CLMN: variants seen among roughly 807,000 people sequenced by gnomAD.
CLMN encodes the protein calmin.
CLMN carries 57 observed loss-of-function variants against 92.7 expected under a neutral mutation model. The observed-to-expected ratio is 0.61, with a 90% CI of 0.50 to 0.77. CLMN has a LOEUF of 0.77. CLMN is among the 30% of genes least tolerant of loss of function. The pLI is 0.00. For synonymous variants in CLMN, 466 were observed against 470.6 expected (o/e 0.99, Z 0.13); for missense variants, 1,158 against 1,237.5 (o/e 0.94, Z 0.96).
chr14:95,268,602 T>C (rs371736765), intron 1 of CLMN, among the ~76,000 whole-genome samples: 9 of 152,078 alleles, frequency 5.9e-5, no homozygotes, highest in Admixed American at 1.3e-4. Context: ...CAAATCTACA[T>C]AGGTGCTAAG....
chr14:95,313,278 C>T (rs1274539356), intron 1 of CLMN, among the ~76,000 whole-genome samples: 1 of 152,222 alleles, frequency 6.6e-6, no homozygotes, highest in Non-Finnish European at 1.5e-5. Context: ...ATTTTACTAA[C>T]ACTTTTCTCC....
chr14:95,214,779 A>T (rs1264678413), intron 5 of CLMN, among the ~76,000 whole-genome samples: 1 of 152,192 alleles, frequency 6.6e-6, no homozygotes, highest in South Asian at 2.1e-4. Context: ...CAGAACAGGA[A>T]CTATTGTCTC....
intron 1 of CLMN, among the ~76,000 whole-genome samples, chr14:95,263,308 C>T (rs1393573097): frequency 6.6e-6 from 1 of 152,166 alleles, no homozygotes. Context: ...AACTCTCTCA[C>T]TATCAGGAGA....
chr14:95,231,289 C>T (rs1323331053), intron 1 of CLMN, among the ~76,000 whole-genome samples: 8 of 151,638 alleles, frequency 5.3e-5, no homozygotes, highest in African/African-American at 1.7e-4. Context: ...CTCCGCCTCC[C>T]GGGTTCATGC....
At chr14:95,306,236 G>T (rs1354370565) in intron 1 of CLMN, among the ~76,000 whole-genome samples, 1 of 152,186 alleles carries the variant, frequency 6.6e-6, no homozygotes, top group Non-Finnish European at 1.5e-5. Flanking sequence ...AACTAGCCAG[G>T]CATGGTGGCT....
At chr14:95,218,806 A>G (rs542948101) in intron 4 of CLMN, among the ~76,000 whole-genome samples, 1 of 152,340 alleles carries the variant, frequency 6.6e-6, no homozygotes, top group East Asian at 1.9e-4. Flanking sequence ...TTGTTTGAAA[A>G]AATAGAGGGG....
At chr14:95,258,385 G>A (rs1595067227) in intron 1 of CLMN, among the ~76,000 whole-genome samples, 1 of 150,326 alleles carries the variant, frequency 6.7e-6, no homozygotes, top group Non-Finnish European at 1.5e-5. Flanking sequence ...ATATGTGTAT[G>A]TGTGGTGTGT....
Position 95,218,702 on chromosome 14 carries a change from C to T in CLMN, c.325-2969G>A, listed in dbSNP as rs545483507. Among the ~76,000 whole-genome samples the T allele has an allele frequency of 2.2e-3, 329 of 152,354 alleles. 3 individuals carry two copies. Among genetic ancestry groups the T allele is most frequent in the Middle Eastern group, 0.02 (6 of 294 alleles). ...GGCTCACTCCCCTGGGCTTGCCTTC[C>T]CACCGGGCCATTCACTTGTCCTACC... On this transcript the variant is annotated intron_variant, in intron 4 of 12. Transcript: ENST00000298912.
intron 1 of CLMN, among the ~76,000 whole-genome samples, chr14:95,303,601 G>A (rs993085347): frequency 1.3e-5 from 2 of 152,248 alleles, no homozygotes; most frequent in African/African-American, 4.8e-5. Context: ...GCCATTAGGT[G>A]TGACCAATGC....
chr14:95,229,464 C>T (rs1345734845), intron 2 of CLMN, among the ~76,000 whole-genome samples: 1 of 152,086 alleles, frequency 6.6e-6, no homozygotes, highest in Non-Finnish European at 1.5e-5. Context: ...AAGTTGAATA[C>T]AGAGGAGAAG....
At chr14:95,250,193 C>T (rs1898727421) in intron 1 of CLMN, among the ~76,000 whole-genome samples, 1 of 152,216 alleles carries the variant, frequency 6.6e-6, no homozygotes, top group Non-Finnish European at 1.5e-5. Context: ...TGTATATGAT[C>T]AAGAAATCCT....
At chr14:95,228,245 C>T (rs1897772618) in intron 2 of CLMN, among the ~76,000 whole-genome samples, 1 of 152,198 alleles carries the variant, frequency 6.6e-6, no homozygotes, top group South Asian at 2.1e-4. Context: ...TGACACACAT[C>T]AGGCATTAAT....
At chr14:95,280,812 G>A (rs1900117363) in intron 1 of CLMN, among the ~76,000 whole-genome samples, 1 of 152,164 alleles carries the variant, frequency 6.6e-6, no homozygotes, top group African/African-American at 2.4e-5. Flanking sequence ...CTATAATTTT[G>A]ATATGACTTA....
Position 95,210,629 on chromosome 14 carries a change from G to T in CLMN, c.802+57C>A, listed in dbSNP as rs1897169422. The T allele has an allele frequency of 4.5e-6, 7 of 1,541,418 alleles. No individual in the cohort carries two copies. The South Asian group carries it at 4.8e-5, about 11-fold the overall frequency. ...TTTTCCAGATTTTCCACATGGGACA[G>T]CAAGTGGTACATTTGTAAAAAAAAA... is the stretch of plus-strand genomic sequence containing the variant. On this transcript the variant is annotated intron_variant, in intron 7 of 12. Coordinates refer to ENST00000298912, the MANE Select transcript of CLMN (RefSeq NM_024734.4).
intron 1 of CLMN, among the ~76,000 whole-genome samples, chr14:95,312,922 A>T (rs1566927649): frequency 6.6e-6 from 1 of 152,016 alleles, no homozygotes; most frequent in Non-Finnish European, 1.5e-5. Context: ...ATACACATAC[A>T]CGGCCAGGTG....
In CLMN at chr14:95,204,068, G is replaced by A; in HGVS notation, c.1281C>T (p.His427=). 4 of 1,614,206 alleles carry A rather than the reference G, an allele frequency of 2.5e-6. No individual in the cohort carries two copies. Among genetic ancestry groups the A allele is most frequent in the Non-Finnish European group, 3.4e-6 (4 of 1,180,042 alleles). Residue 427 remains histidine, a synonymous_variant, in exon 9 of 13, where the codon CAC becomes CAT. Coordinates refer to ENST00000298912, the MANE Select transcript of CLMN (RefSeq NM_024734.4). The part of the protein sequence containing the change: ...SNSLPIKKTV[H]FEADTYKDPF... ...GATCCTTGTAGGTGTCAGCCTCAAA[G>A]TGAACTGTTTTCTTGATCGGCAAAG...
intron 5 of CLMN, among the ~76,000 whole-genome samples, chr14:95,215,418 GGATA>G (rs1222796497): frequency 6.6e-6 from 1 of 152,168 alleles, no homozygotes; most frequent in African/African-American, 2.4e-5. Flanking sequence ...AGACCCAAGA[GGATA>G]GATATTCTCT....
At chr14:95,247,805 T>C (rs548240744) in intron 1 of CLMN, among the ~76,000 whole-genome samples, 147 of 152,078 alleles carry the variant, frequency 9.7e-4, no homozygotes, top group Middle Eastern at 6.8e-3. Context: ...AAAGGGATGG[T>C]GTGCAGGCCA....
intron 1 of CLMN, among the ~76,000 whole-genome samples, chr14:95,286,734 T>TCATG (rs2140750561): frequency 6.6e-6 from 1 of 152,318 alleles, no homozygotes; most frequent in Admixed American, 6.5e-5. Context: ...ACCAAGAGTC[T>TCATG]GCAGGGAGGG....
Sources: allele counts gnomAD v4.1 joint callset (sites outside exome capture counted in the v4.1 genomes callset), GRCh38; gene constraint gnomAD v4.1.1; transcripts MANE v1.5; gene names NCBI Gene and HGNC (gene_info 2026-07-23, HGNC 2026-07-21).